PHACTR1: variants seen among roughly 807,000 people sequenced by gnomAD.
PHACTR1 encodes RPEL repeat containing 1.
A neutral mutation model predicts 69.2 loss-of-function variants in PHACTR1; 16 were observed. That is an observed-to-expected ratio of 0.23 (90% confidence interval 0.16 to 0.35). PHACTR1 has a LOEUF of 0.35. Among genes scored for constraint, PHACTR1 ranks in the 10% least tolerant of loss-of-function variants. PHACTR1 has a pLI of 1.00. For missense variants in PHACTR1, 510 were observed against 734.7 expected (o/e 0.69, Z 3.54); for synonymous variants, 312 against 284.5 (o/e 1.10, Z -0.97).
rs368727601 is a variant in PHACTR1, at chr6:12,775,029, C to T, written c.250+25239C>T. ...TGAAGTGTCCAGGGGATGAGGGTGT[C>T]GGGCAGGAGCCTCTCAGGGCCTCAC... is the stretch of plus-strand genomic sequence containing the variant. On this transcript the variant is annotated intron_variant, in intron 4 of 14. Transcript: ENST00000332995. 1.0e-3 allele frequency among the ~76,000 whole-genome samples: 153 copies of T among 152,198 alleles called. 2 individuals carry two copies. Among genetic ancestry groups the T allele is most frequent in the South Asian group, 8.5e-3 (41 of 4,816 alleles).
chr6:13,099,468 G>A (rs1814797642), intron 5 of PHACTR1, among the ~76,000 whole-genome samples: 1 of 152,192 alleles, frequency 6.6e-6, no homozygotes, highest in Non-Finnish European at 1.5e-5. Context: ...ACTCAGACTG[G>A]CTCTTTTAGA....
intron 4 of PHACTR1, among the ~76,000 whole-genome samples, chr6:12,960,624 C>G (rs1792591044): frequency 6.6e-6 from 1 of 152,182 alleles, no homozygotes; most frequent in African/African-American, 2.4e-5. Context: ...ACAAAGTAGC[C>G]CTTGTCTCCG....
chr6:12,874,626 A>ACATCCTCCTCCTATCTG (rs1782365508), intron 4 of PHACTR1, among the ~76,000 whole-genome samples: 1 of 152,154 alleles, frequency 6.6e-6, no homozygotes, highest in Admixed American at 6.5e-5. Flanking sequence ...ACCACCATCT[A>ACATCCTCCTCCTATCTG]CATCCTCCTC....
intron 4 of PHACTR1, among the ~76,000 whole-genome samples, chr6:13,031,738 A>C (rs969836045): frequency 1.8e-4 from 27 of 152,222 alleles, no homozygotes; most frequent in African/African-American, 6.3e-4. Context: ...AATTTGTAAA[A>C]TAAGATTGAC....
At position 12,943,171 on chromosome 6, in the gene PHACTR1, A is replaced by G. The variant is rs149199590; in HGVS notation, c.251-110194A>G. Among the ~76,000 whole-genome samples the G allele has an allele frequency of 3.6e-3, 553 of 152,360 alleles. 3 individuals are homozygous for G. The highest frequency in any genetic ancestry group is 0.012 in the African/African-American group (518 of 41,576). On this transcript the variant is annotated intron_variant, in intron 4 of 14. Transcript: ENST00000332995. ...AAACAATATGTGGCATATCCATATA[A>G]TGAAATATTATTCAGCCATAGAAAG...
chr6:12,994,393 G>A (rs780853591), intron 4 of PHACTR1, among the ~76,000 whole-genome samples: 1 of 152,090 alleles, frequency 6.6e-6, no homozygotes, highest in Non-Finnish European at 1.5e-5. Context: ...CCAAAATGAG[G>A]CACCCTGTCT....
chr6:12,931,131 G>A (rs1192030315), intron 4 of PHACTR1, among the ~76,000 whole-genome samples: 1 of 151,914 alleles, frequency 6.6e-6, no homozygotes, highest in East Asian at 1.9e-4. Context: ...GCTTAAGATC[G>A]AAATTTGCTT....
intron 4 of PHACTR1, among the ~76,000 whole-genome samples, chr6:12,996,313 A>G (rs1391852077): frequency 2.6e-5 from 4 of 152,216 alleles, no homozygotes; most frequent in African/African-American, 9.6e-5. Context: ...TGTTAATAAA[A>G]TAGGCAAATC....
chr6:13,268,312 G>C (rs1225891291), intron 10 of PHACTR1, among the ~76,000 whole-genome samples: 2 of 152,180 alleles, frequency 1.3e-5, no homozygotes, highest in Non-Finnish European at 2.9e-5. Flanking sequence ...AAAGAGAACT[G>C]ATAGAGTCAA....
intron 4 of PHACTR1, among the ~76,000 whole-genome samples, chr6:13,049,392 AC>A (rs1435466029): frequency 2.6e-4 from 40 of 152,338 alleles, no homozygotes; most frequent in Admixed American, 2.2e-3. Context: ...CTCAGTATCA[AC>A]CCTGAATAAT....
intron 4 of PHACTR1, among the ~76,000 whole-genome samples, chr6:13,013,188 C>G (rs1243200693): frequency 6.6e-6 from 1 of 152,184 alleles, no homozygotes; most frequent in Non-Finnish European, 1.5e-5. Context: ...GCTGACAATC[C>G]CAAAGTCGCA....
At chr6:13,017,973 A>AT (rs902500327) in intron 4 of PHACTR1, among the ~76,000 whole-genome samples, 113 of 152,290 alleles carry the variant, frequency 7.4e-4, no homozygotes, top group African/African-American at 2.6e-3. Flanking sequence ...TATGATTCCT[A>AT]TTTTTTAAAC....
chr6:12,921,011 C>T (rs950571586), intron 4 of PHACTR1, among the ~76,000 whole-genome samples: 4 of 152,190 alleles, frequency 2.6e-5, no homozygotes, highest in Non-Finnish European at 5.9e-5. Context: ...GAAGTTTAGA[C>T]AAATTAAGGC....
rs180688297 is a variant in PHACTR1 at position 12,803,710 on chromosome 6, G to A, written c.250+53920G>A. 1.6e-3 allele frequency among the ~76,000 whole-genome samples: 250 copies of A among 152,288 alleles called. 1 individual carries two copies. Among genetic ancestry groups the A allele is most frequent in the African/African-American group, 5.8e-3 (241 of 41,572 alleles). On this transcript the variant is annotated intron_variant, in intron 4 of 14. Transcript: ENST00000332995. Reference sequence around the variant, plus strand: ...AACTTTGGCACTATTGACATTTTGGGCGGGATAATTATTTGGTGAAGGAGT... The same window carrying A: ...AACTTTGGCACTATTGACATTTTGGACGGGATAATTATTTGGTGAAGGAGT...
Position 13,287,277 on chromosome 6 carries a change from G to C in PHACTR1, c.*199G>C. The C allele has an allele frequency of 1.6e-6, 1 of 614,286 alleles. No homozygotes were observed. Among genetic ancestry groups the C allele is most frequent in the Non-Finnish European group, 2.8e-6 (1 of 359,780 alleles). The allele number at this position is 614,286 out of a possible 1,614,324, so 38.1% of individuals were successfully genotyped here. A position where few individuals can be genotyped will look rare whatever the true frequency, so the allele number is the denominator to read the frequency against. On this transcript the variant is annotated 3_prime_UTR_variant, in exon 15 of 15. Coordinates refer to ENST00000332995, the MANE Select transcript of PHACTR1 (RefSeq NM_030948.6). The stretch of plus-strand genomic sequence containing the variant: ...AAGTGATGGCTCGGCGGTCCGAGCT[G>C]CTGGTCCCACTTCTGACACCAAAAT...
intron 3 of PHACTR1, among the ~76,000 whole-genome samples, chr6:12,744,817 T>C (rs796947166): frequency 2.0e-5 from 3 of 152,334 alleles, no homozygotes; most frequent in Middle Eastern, 3.4e-3. Flanking sequence ...ATTCCATAGG[T>C]ATAAAATCAT....
chr6:13,207,063 GCATGCACA>G (rs1442522780), intron 8 of PHACTR1, among the ~76,000 whole-genome samples: 3 of 151,746 alleles, frequency 2.0e-5, no homozygotes, highest in South Asian at 2.1e-4. Context: ...ACACACACAT[GCATGCACA>G]CATGCACACG....
Position 13,233,941 on chromosome 6 carries a change from C to T in PHACTR1, c.1391+3748C>T, listed in dbSNP as rs114840478. 9.0e-3 allele frequency among the ~76,000 whole-genome samples: 1,372 copies of T among 152,342 alleles called. 22 individuals are homozygous for T. The highest frequency in any genetic ancestry group is 0.03 in the African/African-American group (1,233 of 41,576). ...GGAAGCTCTAGCCAGATTGCAGGGA[C>T]TGTACCTAAAGGACAGACTGTCAGG... is the stretch of plus-strand genomic sequence containing the variant. On this transcript the variant is annotated intron_variant, in intron 10 of 14. Coordinates refer to ENST00000332995, the MANE Select transcript of PHACTR1 (RefSeq NM_030948.6).
intron 13 of PHACTR1, among the ~76,000 whole-genome samples, chr6:13,285,789 CTTTG>C (rs199805612): frequency 1.3e-3 from 198 of 152,250 alleles, no homozygotes; most frequent in East Asian, 4.1e-3. Context: ...CTGTGCTGAG[CTTTG>C]TTTATTTATG....
Sources: allele counts gnomAD v4.1 joint callset (sites outside exome capture counted in the v4.1 genomes callset), GRCh38; gene constraint gnomAD v4.1.1; transcripts MANE v1.5; gene names NCBI Gene and HGNC (gene_info 2026-07-23, HGNC 2026-07-21).